The following PLEKHG1 variants were observed in gnomAD, a reference collection of about 807,000 sequenced individuals.
PLEKHG1 encodes the protein pleckstrin homology domain-containing family G member 1.
A neutral mutation model predicts 100.8 loss-of-function variants in PLEKHG1; 44 were observed. The ratio of observed to expected loss-of-function variants is 0.44; its 90% CI spans 0.34 to 0.56. The LOEUF (loss-of-function observed/expected upper bound fraction) is 0.56. Among genes scored for constraint, PLEKHG1 ranks in the 20% least tolerant of loss-of-function variants. The pLI, the probability that PLEKHG1 is intolerant of heterozygous loss-of-function variation, is 0.01. For synonymous variants in PLEKHG1, 640 were observed against 662.5 expected, an observed-to-expected ratio of 0.97 and a Z score of 0.52; for missense variants, 1,545 against 1,720.9, an observed-to-expected ratio of 0.90 and a Z score of 1.81.
chr6:150,747,578 G>A (rs191064135), intron 2 of PLEKHG1, among the ~76,000 whole-genome samples: 131 of 151,948 alleles, frequency 8.6e-4, no homozygotes, highest in African/African-American at 3.0e-3. Context: ...TTAAATTGTG[G>A]TAACATATAC....
At chr6:150,602,959 T>C (rs1246843898) in intron 1 of PLEKHG1, among the ~76,000 whole-genome samples, 3 of 151,604 alleles carry the variant, frequency 2.0e-5, no homozygotes, top group African/African-American at 4.8e-5. Context: ...CGGGCACCTG[T>C]AGTCCCAGCT....
intron 1 of PLEKHG1, among the ~76,000 whole-genome samples, chr6:150,603,321 C>G (rs935509160): frequency 6.6e-6 from 1 of 152,120 alleles, no homozygotes; most frequent in African/African-American, 2.4e-5. Context: ...AAAAGCTGAT[C>G]CCAATCCATT....
chr6:150,657,308 A>G (rs1779008130), intron 3 of PLEKHG1, among the ~76,000 whole-genome samples: 1 of 152,254 alleles, frequency 6.6e-6, no homozygotes, highest in South Asian at 2.1e-4. Flanking sequence ...TATGAAGGCA[A>G]AGATACAAGG....
intron 10 of PLEKHG1, among the ~76,000 whole-genome samples, chr6:150,811,209 C>G (rs1278456151): frequency 6.6e-6 from 1 of 151,716 alleles, no homozygotes; most frequent in Non-Finnish European, 1.5e-5. Flanking sequence ...ATAAAGTGTT[C>G]AATTGCGTTG....
At chr6:150,660,088 T>A (rs1191274992) in intron 3 of PLEKHG1, among the ~76,000 whole-genome samples, 1 of 149,654 alleles carries the variant, frequency 6.7e-6, no homozygotes, top group African/African-American at 2.5e-5. Flanking sequence ...TTTTTTTTTT[T>A]AAGTAGAGAC....
At chr6:150,767,765 A>G (rs571120388) in intron 2 of PLEKHG1, among the ~76,000 whole-genome samples, 28 of 152,290 alleles carry the variant, frequency 1.8e-4, no homozygotes, top group Non-Finnish European at 3.4e-4. Flanking sequence ...GCAGATCGCC[A>G]TGTTACGTTT....
intron 3 of PLEKHG1, among the ~76,000 whole-genome samples, chr6:150,705,176 A>T (rs6935399): frequency 0.51 from 78,139 of 152,038 alleles, 20,099 homozygotes; most frequent in East Asian, 0.59. Flanking sequence ...TTTTTTGGTT[A>T]ACAATACCAT....
chr6:150,638,606 G>A (rs542498061), intron 2 of PLEKHG1, among the ~76,000 whole-genome samples: 1 of 152,316 alleles, frequency 6.6e-6, no homozygotes, highest in Admixed American at 6.5e-5. Context: ...GAGAGGGAGA[G>A]GATGGAGAGT....
At chr6:150,603,626 T>C (rs1245477547) in intron 1 of PLEKHG1, among the ~76,000 whole-genome samples, 1 of 152,080 alleles carries the variant, frequency 6.6e-6, no homozygotes, top group Non-Finnish European at 1.5e-5. Flanking sequence ...TCTAGAATAG[T>C]CTTCATGTTT....
At chr6:150,689,699 C>T (rs552191804) in intron 3 of PLEKHG1, among the ~76,000 whole-genome samples, 5 of 151,942 alleles carry the variant, frequency 3.3e-5, no homozygotes, top group African/African-American at 1.2e-4. Flanking sequence ...CTACTAAATG[C>T]AAAAGATTAG....
chr6:150,762,107 C>T (rs979540588), intron 2 of PLEKHG1, among the ~76,000 whole-genome samples: 1 of 152,162 alleles, frequency 6.6e-6, no homozygotes, highest in African/African-American at 2.4e-5. Flanking sequence ...ATCTCAGAGC[C>T]GTTAACAGAG....
At chr6:150,622,184 G>A (rs1194481453) in intron 1 of PLEKHG1, among the ~76,000 whole-genome samples, 1 of 152,146 alleles carries the variant, frequency 6.6e-6, no homozygotes, top group Admixed American at 6.5e-5. Flanking sequence ...ATATAATTTT[G>A]TTAAGTGAAT....
At chr6:150,813,577 T>G (rs940960608) in intron 10 of PLEKHG1, among the ~76,000 whole-genome samples, 3 of 151,894 alleles carry the variant, frequency 2.0e-5, no homozygotes, top group African/African-American at 7.3e-5. Flanking sequence ...GGCATGACAT[T>G]AGGCTGAGTG....
chr6:150,786,565 C>T (rs934733202), intron 4 of PLEKHG1, 106 bp downstream of exon 5: 18 of 709,682 alleles, frequency 2.5e-5, no homozygotes, highest in Non-Finnish European at 4.4e-5. Flanking sequence ...ATAGAGTTAG[C>T]CACTAATCTT....
intron 5 of PLEKHG1, among the ~76,000 whole-genome samples, chr6:150,797,429 A>G (rs970092074): frequency 1.1e-4 from 16 of 152,138 alleles, no homozygotes; most frequent in African/African-American, 3.9e-4. Flanking sequence ...AGAGCTACTC[A>G]AGAGGCTGAG....
intron 2 of PLEKHG1, among the ~76,000 whole-genome samples, chr6:150,640,110 C>T (rs1008127749): frequency 2.0e-5 from 3 of 152,278 alleles, no homozygotes; most frequent in Non-Finnish European, 4.4e-5. Flanking sequence ...CCATCTGGCC[C>T]TACCTGCTGT....
intron 3 of PLEKHG1, among the ~76,000 whole-genome samples, chr6:150,711,409 A>G (rs1250190890): frequency 2.6e-5 from 4 of 152,198 alleles, no homozygotes; most frequent in East Asian, 1.9e-4. Context: ...GACAGCTCAA[A>G]TAATTAAGGA....
chr6:150,757,857 C>A (rs747980376), intron 2 of PLEKHG1, among the ~76,000 whole-genome samples: 9 of 152,178 alleles, frequency 5.9e-5, no homozygotes, highest in Non-Finnish European at 1.3e-4. Flanking sequence ...TCCCTTCCCT[C>A]ACCCCCTCCC....
At chr6:150,815,737 C>T (rs1787830319) in intron 10 of PLEKHG1, among the ~76,000 whole-genome samples, 1 of 152,178 alleles carries the variant, frequency 6.6e-6, no homozygotes, top group South Asian at 2.1e-4. Flanking sequence ...AATATTTGTA[C>T]TGGGATATCA....
Sources: allele counts gnomAD v4.1 joint callset (sites outside exome capture counted in the v4.1 genomes callset), GRCh38; gene constraint gnomAD v4.1.1; transcripts MANE v1.5; gene names NCBI Gene and HGNC (gene_info 2026-07-23, HGNC 2026-07-21).